NIPSNAP2: variants seen among roughly 807,000 people sequenced by gnomAD.
The protein encoded by NIPSNAP2 is protein NipSnap homolog 2.
Under a neutral mutation model 48.4 loss-of-function variants are expected in NIPSNAP2, and 42 were observed. The ratio of observed to expected loss-of-function variants is 0.87; its 90% confidence interval spans 0.68 to 1.12. The LOEUF is 1.12. NIPSNAP2 is among the 50% of genes most tolerant of loss of function. The pLI is 0.00. For missense variants in NIPSNAP2, 314 were observed against 347.3 expected, an observed-to-expected ratio of 0.90 and a Z score of 0.76; for synonymous variants, 158 against 126.6, an observed-to-expected ratio of 1.25 and a Z score of -1.67.
intron 1 of NIPSNAP2, among the ~76,000 whole-genome samples, chr7:55,972,434 C>CTT (rs562085477): frequency 2.6e-4 from 35 of 136,680 alleles, no homozygotes; most frequent in African/African-American, 6.1e-4. Context: ...TTTTCTTTTT[C>CTT]TTTTTTTTTT....
At chr7:55,972,338 A>G (rs886356621) in intron 1 of NIPSNAP2, among the ~76,000 whole-genome samples, 1 of 151,882 alleles carries the variant, frequency 6.6e-6, no homozygotes. Context: ...CAGAAATTAC[A>G]TAGTCCCATA....
intron 3 of NIPSNAP2, 197 bp from the exon 4 acceptor site, chr7:55,981,276 C>T (rs562423410): frequency 2.3e-6 from 1 of 434,910 alleles, no homozygotes; most frequent in African/African-American, 2.0e-5. Context: ...GAAACCTAAG[C>T]TTCTGATCAG....
At position 55,990,791 on chromosome 7, in the gene NIPSNAP2, C is replaced by CT. The variant is rs398004849; in HGVS notation, c.618-4089dup. Among the ~76,000 whole-genome samples the CT allele has an allele frequency of 3.8e-3, 518 of 136,654 alleles. 3 individuals carry two copies. Among genetic ancestry groups the CT allele is most frequent in the African/African-American group, 8.5e-3 (316 of 37,294 alleles). 89.7% of individuals were successfully genotyped at this position (136,654 alleles called of 152,430 possible). ...CTTATATCTTTTCTTTTTTCTTTTT[C>CT]TTTTTTTTTTTTTTGAGACGGAGTC... On this transcript the variant is annotated intron_variant, in intron 7 of 9. Transcript: ENST00000322090.
intron 7 of NIPSNAP2, among the ~76,000 whole-genome samples, chr7:55,985,838 A>T (rs1787318587): frequency 6.6e-6 from 1 of 150,414 alleles, no homozygotes; most frequent in South Asian, 2.1e-4. Context: ...ACCTGAAGTT[A>T]GGAGTTCGAG....
intron 4 of NIPSNAP2, 39 bp from the exon 5 acceptor site, chr7:55,982,171 A>C (rs1562765151): frequency 7.5e-7 from 1 of 1,338,476 alleles, no homozygotes; most frequent in Non-Finnish European, 1.1e-6. Flanking sequence ...TAGTATCATG[A>C]AATTCTAAAC....
intron 3 of NIPSNAP2, chr7:55,979,046 TTTG>T (rs1171663009): frequency 6.6e-6 from 1 of 152,250 alleles, no homozygotes; most frequent in East Asian, 1.9e-4. Context: ...GGTTTTTAGT[TTTG>T]TTTTGTTTTT....
At chr7:55,995,060 A>T (rs1366293062) in intron 8 of NIPSNAP2, 72 bp downstream of exon 8, 2 of 1,257,894 alleles carry the variant, frequency 1.6e-6, no homozygotes, top group Admixed American at 3.4e-5. Context: ...GAAGTAGAGC[A>T]CATCTTGAGT....
At chr7:55,965,911 GGA>G (rs1199654215) in intron 1 of NIPSNAP2, among the ~76,000 whole-genome samples, 5 of 152,160 alleles carry the variant, frequency 3.3e-5, no homozygotes, top group Non-Finnish European at 7.3e-5. Flanking sequence ...GTCTGACTTG[GGA>G]GAGGGGGCAG....
At chr7:55,988,950 A>G (rs1276990789) in intron 7 of NIPSNAP2, among the ~76,000 whole-genome samples, 1 of 152,282 alleles carries the variant, frequency 6.6e-6, no homozygotes, top group Non-Finnish European at 1.5e-5. Flanking sequence ...ATAAACACTT[A>G]TATATATGTG....
chr7:55,995,789 C>T (rs1664297273), intron 8 of NIPSNAP2, among the ~76,000 whole-genome samples: 1 of 152,082 alleles, frequency 6.6e-6, no homozygotes, highest in African/African-American at 2.4e-5. Flanking sequence ...GTGTGAATGG[C>T]GGAGCTCTCA....
chr7:55,989,116 A>G (rs1787392221), intron 7 of NIPSNAP2, among the ~76,000 whole-genome samples: 1 of 152,180 alleles, frequency 6.6e-6, no homozygotes, highest in Non-Finnish European at 1.5e-5. Flanking sequence ...GCCCATCAGC[A>G]GAGGGTGGGA....
rs564003419 is a variant in NIPSNAP2, at chr7:55,982,164, T to C, written c.374-46T>C. 2.5e-6 allele frequency: 3 copies of C among 1,182,638 alleles called. No homozygotes were observed. In the South Asian group the frequency reaches 3.7e-5, roughly 15 times the overall value. The allele number at this position is 1,182,638 out of a possible 1,614,324, so 73.3% of individuals were successfully genotyped here. A position where few individuals can be genotyped will look rare whatever the true frequency, so the allele number is the denominator to read the frequency against. ...TATCTAGAACATTTTCAAGTAGTAGTATCATGAAATTCTAAACGTATACTG... is the reference window on the plus strand; with the variant it reads ...TATCTAGAACATTTTCAAGTAGTAGCATCATGAAATTCTAAACGTATACTG... On this transcript the variant is annotated intron_variant, in intron 4 of 9. Coordinates refer to ENST00000322090, the MANE Select transcript of NIPSNAP2 (RefSeq NM_001483.3).
chr7:55,997,358 T>C lies in NIPSNAP2; in HGVS notation c.713-8T>C. 1 of 1,608,784 alleles carries C rather than the reference T, an allele frequency of 6.2e-7. No individual in the cohort carries two copies. The highest frequency in any genetic ancestry group is 1.1e-5 in the South Asian group (1 of 90,948). ...TAAGTCTTACTTCTCTGTGTGGTTA[T>C]TTTTAAGCTTACAGGGATCTTCAGA... On this transcript the variant is annotated splice_polypyrimidine_tract_variant and splice_region_variant and intron_variant, in intron 8 of 9. Transcript: ENST00000322090.
At chr7:55,968,890 TACA>T (rs1270090743) in intron 1 of NIPSNAP2, among the ~76,000 whole-genome samples, 1 of 151,808 alleles carries the variant, frequency 6.6e-6, no homozygotes, top group East Asian at 1.9e-4. Context: ...GCAGGGTAAC[TACA>T]ACATTTAGCA....
Position 55,997,448 on chromosome 7 carries a change from A to T in NIPSNAP2, c.795A>T (p.Thr265=). The T allele has an allele frequency of 6.2e-7, 1 of 1,606,628 alleles. No homozygotes were observed. Among genetic ancestry groups the T allele is most frequent in the Non-Finnish European group, 8.5e-7 (1 of 1,173,186 alleles). ...GCTGGGAGGAATTGGTATATTACAC[A>T]GGTAATCTCTTAACAGCCATGAAAT... The part of the protein sequence containing the change: ...KHGWEELVYY[T]VPLIQEMESR... The change falls in exon 9 of 10, where the codon ACA becomes ACT. Residue 265 remains threonine (T), a splice_region_variant and synonymous_variant. Transcript: ENST00000322090.
Position 55,983,864 on chromosome 7 carries a change from T to C in NIPSNAP2, c.581T>C (p.Leu194Pro). The stretch of plus-strand genomic sequence containing the variant: ...ATATATGAACTCAGGTCTTACCAAC[T>C]CCGAGTAAGTACAGAAATATAAGTT... ...PNIYELRSYQ[L>P]RPGTMIEWGN... The change falls in exon 6 of 10, where the codon CTC (leucine) becomes CCC (proline). Residue 194 changes from leucine to proline, a missense_variant. Physicochemically the swap from Leu to Pro is moderately conservative, Grantham distance 98. This residue lies in a region of NIPSNAP2 where 116 missense variants were observed against 161.8 expected (regional missense o/e 0.72). Transcript: ENST00000322090. 1 of 1,612,488 alleles carries C rather than the reference T, an allele frequency of 6.2e-7. No individual in the cohort carries two copies. Among genetic ancestry groups the C allele is most frequent in the Non-Finnish European group, 8.5e-7 (1 of 1,179,576 alleles).
chr7:55,966,124 T>C (rs564850217), intron 1 of NIPSNAP2, among the ~76,000 whole-genome samples: 14 of 152,170 alleles, frequency 9.2e-5, no homozygotes, highest in Non-Finnish European at 1.8e-4. Flanking sequence ...CAGAGCAGTT[T>C]AGGACCTGGT....
At position 55,997,916 on chromosome 7, in the gene NIPSNAP2, C is replaced by T. The variant is rs138036736; in HGVS notation, c.796+467C>T. Among the ~76,000 whole-genome samples, 37 of 152,252 alleles carry T rather than the reference C, an allele frequency of 2.4e-4. 1 individual carries two copies. Among genetic ancestry groups the T allele is most frequent in the African/African-American group, 7.7e-4 (32 of 41,558 alleles). ...TACATAATACATGCATGTGCACATA[C>T]ATAAGTATATTATGAAACCCTGTTT... On this transcript the variant is annotated intron_variant, in intron 9 of 9. Coordinates refer to ENST00000322090, the MANE Select transcript of NIPSNAP2 (RefSeq NM_001483.3).
intron 7 of NIPSNAP2, among the ~76,000 whole-genome samples, chr7:55,990,297 C>T (rs1163890872): frequency 7.4e-5 from 11 of 148,766 alleles, no homozygotes; most frequent in African/African-American, 2.2e-4. Flanking sequence ...GGTGCGAACT[C>T]GGCTCACTGC....
Sources: allele counts gnomAD v4.1 joint callset (sites outside exome capture counted in the v4.1 genomes callset), GRCh38; gene constraint gnomAD v4.1.1; regional missense constraint gnomAD v4.1.1; transcripts MANE v1.5; gene names NCBI Gene and HGNC (gene_info 2026-07-23, HGNC 2026-07-21).